IL1RAPL1: variants seen among roughly 807,000 people sequenced by gnomAD.
IL1RAPL1 encodes the protein interleukin 1 receptor accessory protein like 1, also known as interleukin-1 receptor accessory protein-like 1.
A neutral mutation model predicts 48.4 loss-of-function variants in IL1RAPL1; 3 were observed. The ratio of observed to expected loss-of-function variants is 0.06; its 90% CI spans 0.03 to 0.16. The LOEUF is 0.16. Among genes scored for constraint, IL1RAPL1 ranks in the 10% least tolerant of loss-of-function variants. The pLI, the probability that IL1RAPL1 is intolerant of heterozygous loss-of-function variation, is 1.00. For missense variants in IL1RAPL1, 349 were observed against 530.6 expected, an observed-to-expected ratio of 0.66 and a Z score of 3.36; for synonymous variants, 185 against 187.7, an observed-to-expected ratio of 0.99 and a Z score of 0.12.
chrX:29,949,797 T>A (rs67370613), intron 9 of IL1RAPL1, among the ~76,000 whole-genome samples: 25,072 of 111,576 alleles, frequency 0.22, 2,359 homozygotes, highest in African/African-American at 0.34. Context: ...TTATGTTCTT[T>A]CTTATATCAA....
At chrX:28,767,897 G>C (rs975921792) in intron 1 of IL1RAPL1, among the ~76,000 whole-genome samples, 1 of 111,532 alleles carries the variant, frequency 9.0e-6, no homozygotes, top group African/African-American at 3.3e-5. Flanking sequence ...CTGGAAGTCT[G>C]GGGATTTAAA....
At chrX:28,659,902 G>A (rs978388765) in intron 1 of IL1RAPL1, among the ~76,000 whole-genome samples, 7 of 110,852 alleles carry the variant, frequency 6.3e-5, no homozygotes, top group Non-Finnish European at 1.3e-4. Context: ...CCTTTAAAAA[G>A]TCAGTTACTT....
At chrX:29,678,524 TTGTG>T (rs111394018) in intron 6 of IL1RAPL1, among the ~76,000 whole-genome samples, 6 of 101,053 alleles carry the variant, frequency 5.9e-5, no homozygotes, top group African/African-American at 2.2e-4. Flanking sequence ...CTGGCTAATT[TTGTG>T]TGTGTGTGTG....
rs181166993 is a variant in IL1RAPL1 at position 29,764,248 on chromosome X, A to G, written c.778+95744A>G. On this transcript the variant is annotated intron_variant, in intron 6 of 10. Coordinates refer to ENST00000378993, the MANE Select transcript of IL1RAPL1 (RefSeq NM_014271.4). ...CCAGAGGCACAAGACGCCAAGGCTT[A>G]CTGTCTTCCAGCATTGCTTCCATTT... is the stretch of plus-strand genomic sequence containing the variant. Among the ~76,000 whole-genome samples the G allele has an allele frequency of 1.1e-3, 123 of 111,891 alleles. No homozygotes were observed. In the East Asian group the frequency reaches 0.028, roughly 26 times the overall value.
intron 6 of IL1RAPL1, among the ~76,000 whole-genome samples, chrX:29,838,227 T>C (rs1432003234): frequency 6.2e-5 from 7 of 112,052 alleles, no homozygotes; most frequent in Admixed American, 5.7e-4. Context: ...CATACTTCCA[T>C]TTCCATTGTC....
chrX:29,229,928 G>A (rs1168739397), intron 2 of IL1RAPL1, among the ~76,000 whole-genome samples: 1 of 112,107 alleles, frequency 8.9e-6, no homozygotes, highest in Non-Finnish European at 1.9e-5. Flanking sequence ...TGTGATACAT[G>A]ATCAGTCACA....
At chrX:29,231,342 G>A (rs748357441) in intron 2 of IL1RAPL1, among the ~76,000 whole-genome samples, 2 of 111,502 alleles carry the variant, frequency 1.8e-5, no homozygotes, top group Admixed American at 9.6e-5. Context: ...GTTTGCAACC[G>A]GTTCTGATAA....
At chrX:29,953,276 A>G (rs1275180693) in intron 9 of IL1RAPL1, among the ~76,000 whole-genome samples, 1 of 112,186 alleles carries the variant, frequency 8.9e-6, no homozygotes, top group East Asian at 2.8e-4. Flanking sequence ...TAGACTCAGC[A>G]TATCAACAGT....
chrX:29,535,471 G>T, intron 5 of IL1RAPL1, among the ~76,000 whole-genome samples: 1 of 111,572 alleles, frequency 9.0e-6, no homozygotes, highest in Non-Finnish European at 1.9e-5. Context: ...TCTTTGTGGG[G>T]TACCATCCTA....
intron 1 of IL1RAPL1, among the ~76,000 whole-genome samples, chrX:28,741,032 A>C: frequency 8.9e-6 from 1 of 111,820 alleles, no homozygotes; most frequent in Admixed American, 9.5e-5. Context: ...TGATTGAACA[A>C]TGTTTTTTTT....
chrX:29,094,260 A>C (rs58496053), intron 2 of IL1RAPL1, among the ~76,000 whole-genome samples: 1 of 111,209 alleles, frequency 9.0e-6, no homozygotes, highest in Non-Finnish European at 1.9e-5. Context: ...GCTATTTTAT[A>C]TATTTTTGTG....
At chrX:28,769,127 A>C (rs1336647068) in intron 1 of IL1RAPL1, among the ~76,000 whole-genome samples, 1 of 108,322 alleles carries the variant, frequency 9.2e-6, no homozygotes, top group African/African-American at 3.3e-5. Flanking sequence ...TACAGCTTAC[A>C]CCTATATGTG....
intron 3 of IL1RAPL1, among the ~76,000 whole-genome samples, chrX:29,368,486 A>G (rs967290351): frequency 1.8e-5 from 2 of 111,804 alleles, no homozygotes; most frequent in South Asian, 7.4e-4. Context: ...GGCTCAAGCA[A>G]TCCTCCCACC....
At chrX:29,426,259 G>A (rs1251653770) in intron 5 of IL1RAPL1, among the ~76,000 whole-genome samples, 1 of 111,955 alleles carries the variant, frequency 8.9e-6, no homozygotes, top group Non-Finnish European at 1.9e-5. Context: ...AATAATAAAA[G>A]CAATTAACCT....
chrX:29,436,373 C>T (rs888552633), intron 5 of IL1RAPL1, among the ~76,000 whole-genome samples: 3 of 110,108 alleles, frequency 2.7e-5, no homozygotes, highest in African/African-American at 9.8e-5. Context: ...GCTACTGGGA[C>T]ATTTTGCAAA....
intron 1 of IL1RAPL1, among the ~76,000 whole-genome samples, chrX:28,723,545 C>G (rs2146941630): frequency 8.9e-6 from 1 of 111,742 alleles, no homozygotes; most frequent in South Asian, 3.7e-4. Context: ...AAAAAAGCAG[C>G]TTCTGGATTC....
At chrX:29,276,538 A>G (rs147866483) in intron 2 of IL1RAPL1, among the ~76,000 whole-genome samples, 2,182 of 109,597 alleles carry the variant, frequency 0.02, 59 homozygotes, top group African/African-American at 0.067. Flanking sequence ...AACACCAAAG[A>G]TATACATTTT....
At chrX:29,916,740 A>G (rs935586440) in intron 6 of IL1RAPL1, among the ~76,000 whole-genome samples, 1 of 112,146 alleles carries the variant, frequency 8.9e-6, no homozygotes, top group African/African-American at 3.2e-5. Flanking sequence ...CCTTTTAGAA[A>G]GAGACTTCAA....
intron 5 of IL1RAPL1, among the ~76,000 whole-genome samples, chrX:29,451,849 A>T (rs1934684151): frequency 8.9e-6 from 1 of 112,122 alleles, no homozygotes; most frequent in African/African-American, 3.2e-5. Flanking sequence ...AAAAATAGAG[A>T]GGAAAATAAA....
Sources: gnomAD v4.1 joint callset for allele counts (sites outside exome capture counted in the v4.1 genomes callset) on GRCh38, gnomAD v4.1.1 for gene constraint, MANE v1.5 for transcripts, NCBI Gene and HGNC (gene_info 2026-07-23, HGNC 2026-07-21) for gene names.